The following CFAP20DC variants were observed in gnomAD, a reference collection of about 807,000 sequenced individuals.
CFAP20DC encodes CFAP20 domain containing, also known as protein CFAP20DC.
In CFAP20DC, 84 loss-of-function variants were observed where a neutral mutation model predicts 101.7. That is an observed-to-expected ratio of 0.83 (90% CI 0.69 to 0.99). CFAP20DC has a LOEUF of 0.99. Among genes scored for constraint, CFAP20DC ranks in the 50% least tolerant of loss-of-function variants. The pLI, the probability that CFAP20DC is intolerant of heterozygous loss-of-function variation, is 0.00. For missense variants in CFAP20DC, 1,007 were observed against 970.3 expected (o/e 1.04, Z -0.50); for synonymous variants, 359 against 351.2 (o/e 1.02, Z -0.25).
At chr3:58,938,493 T>C (rs2088031323) in intron 4 of CFAP20DC, among the ~76,000 whole-genome samples, 1 of 152,198 alleles carries the variant, frequency 6.6e-6, no homozygotes, top group Non-Finnish European at 1.5e-5. Context: ...TGCTATATTA[T>C]AGAATTGATG....
chr3:59,011,224 C>G (rs1045577172), intron 4 of CFAP20DC, among the ~76,000 whole-genome samples: 2 of 152,112 alleles, frequency 1.3e-5, no homozygotes, highest in Non-Finnish European at 2.9e-5. Flanking sequence ...ATGGTGAAAC[C>G]CTGTCTCTAC....
chr3:58,848,552 T>C (rs889249317), intron 13 of CFAP20DC, among the ~76,000 whole-genome samples: 1 of 152,132 alleles, frequency 6.6e-6, no homozygotes, highest in African/African-American at 2.4e-5. Flanking sequence ...GCCGAGGGAT[T>C]TATTCGATGA....
chr3:58,765,341 A>C (rs559413511), intron 15 of CFAP20DC, among the ~76,000 whole-genome samples: 61 of 152,156 alleles, frequency 4.0e-4, no homozygotes, highest in Non-Finnish European at 7.6e-4. Flanking sequence ...AGTTAGCTTA[A>C]TCATCTCTTT....
intron 3 of CFAP20DC, among the ~76,000 whole-genome samples, chr3:59,043,867 CA>C (rs1413669711): frequency 6.6e-6 from 1 of 152,106 alleles, no homozygotes; most frequent in African/African-American, 2.4e-5. Flanking sequence ...AATTATGACC[CA>C]AATTGTCATA....
At chr3:59,010,860 C>T (rs1431112540) in intron 4 of CFAP20DC, among the ~76,000 whole-genome samples, 1 of 152,024 alleles carries the variant, frequency 6.6e-6, no homozygotes, top group Non-Finnish European at 1.5e-5. Flanking sequence ...TTTTAAATAA[C>T]CTCTCAGACC....
At chr3:58,815,275 T>G (rs1194418275) in intron 14 of CFAP20DC, among the ~76,000 whole-genome samples, 1 of 150,692 alleles carries the variant, frequency 6.6e-6, no homozygotes, top group Non-Finnish European at 1.5e-5. Context: ...CCCTATTTAA[T>G]AAATGGTGCT....
intron 14 of CFAP20DC, among the ~76,000 whole-genome samples, chr3:58,809,536 G>A (rs1575706301): frequency 1.3e-5 from 2 of 151,954 alleles, no homozygotes; most frequent in African/African-American, 4.8e-5. Flanking sequence ...CAGAATCTCT[G>A]GGACGCATTC....
chr3:58,999,743 T>G (rs548068306), intron 4 of CFAP20DC, among the ~76,000 whole-genome samples: 18 of 150,674 alleles, frequency 1.2e-4, no homozygotes, highest in Non-Finnish European at 4.4e-5. Flanking sequence ...AAATTTAGTA[T>G]AGAAATACTA....
chr3:58,775,811 T>A (rs182614258), intron 15 of CFAP20DC, among the ~76,000 whole-genome samples: 2 of 151,042 alleles, frequency 1.3e-5, no homozygotes, highest in African/African-American at 2.4e-5. Context: ...AGTGGCGTGA[T>A]CTCGTCTCAC....
At chr3:58,855,217 C>G (rs952024375) in intron 12 of CFAP20DC, among the ~76,000 whole-genome samples, 12 of 152,188 alleles carry the variant, frequency 7.9e-5, no homozygotes, top group African/African-American at 2.7e-4. Flanking sequence ...ATTAATGCAG[C>G]CAAAAAACAC....
intron 15 of CFAP20DC, among the ~76,000 whole-genome samples, chr3:58,756,267 T>C (rs1204470468): frequency 2.6e-5 from 4 of 152,032 alleles, no homozygotes; most frequent in African/African-American, 9.7e-5. Flanking sequence ...CCTCAAGATA[T>C]TTACCTACTT....
At chr3:58,772,894 G>A (rs2070981548) in intron 15 of CFAP20DC, among the ~76,000 whole-genome samples, 1 of 152,120 alleles carries the variant, frequency 6.6e-6, no homozygotes, top group Non-Finnish European at 1.5e-5. Flanking sequence ...AATTTCTGAA[G>A]AATGCCCAAG....
intron 15 of CFAP20DC, among the ~76,000 whole-genome samples, chr3:58,801,651 G>A (rs367862967): frequency 4.6e-5 from 7 of 152,004 alleles, no homozygotes; most frequent in African/African-American, 1.7e-4. Flanking sequence ...CGATACCACC[G>A]TGGTCAGTCT....
At chr3:58,845,202 C>T (rs1488831147) in intron 13 of CFAP20DC, among the ~76,000 whole-genome samples, 2 of 150,226 alleles carry the variant, frequency 1.3e-5, no homozygotes. Flanking sequence ...AAAAACCCTT[C>T]AAAAAATTAA....
chr3:58,742,741 G>A (rs1380796910), intron 16 of CFAP20DC, among the ~76,000 whole-genome samples, 169 bp from the exon 17 acceptor site: 1 of 152,148 alleles, frequency 6.6e-6, no homozygotes, highest in Non-Finnish European at 1.5e-5. Flanking sequence ...CTCTAAACAT[G>A]TGGTTCCAGG....
At chr3:58,754,549 T>A (rs893837791) in intron 15 of CFAP20DC, among the ~76,000 whole-genome samples, 1 of 152,158 alleles carries the variant, frequency 6.6e-6, no homozygotes, top group African/African-American at 2.4e-5. Context: ...CCACTGAGCT[T>A]CACTAGTGGT....
At chr3:58,911,556 T>C (rs1216342332) in intron 6 of CFAP20DC, among the ~76,000 whole-genome samples, 3 of 152,124 alleles carry the variant, frequency 2.0e-5, no homozygotes, top group African/African-American at 7.2e-5. Context: ...ATACCTCCAG[T>C]TGTACACTTA....
At chr3:58,823,500 TG>T (rs2075832876) in intron 14 of CFAP20DC, among the ~76,000 whole-genome samples, 1 of 152,184 alleles carries the variant, frequency 6.6e-6, no homozygotes, top group African/African-American at 2.4e-5. Flanking sequence ...TTGGTAGATA[TG>T]ATCTTATTTG....
rs923036357 is a variant in CFAP20DC at position 58,861,720 on chromosome 3, T to C, written c.1593+1838A>G. 3.2e-5 allele frequency: 32 copies of C among 985,442 alleles called. No homozygotes were observed. In the Admixed American group the frequency reaches 1.4e-3, roughly 42 times the overall value. The allele number at this position is 985,442 out of a possible 1,614,324, so 61.0% of individuals were successfully genotyped here. Reference sequence around the variant, plus strand: ...TGTTTCCCCTCTCTCTGGCTGCCACTCTTAGTAGGCTCTGATTAAAGGGTG... The same window carrying C: ...TGTTTCCCCTCTCTCTGGCTGCCACCCTTAGTAGGCTCTGATTAAAGGGTG... On this transcript the variant is annotated intron_variant, in intron 12 of 16. Coordinates refer to ENST00000482387, the MANE Select transcript of CFAP20DC (RefSeq NM_001394063.1). The surrounding 1 kb of genome is among the most constrained non-coding windows in gnomAD (Gnocchi z 4.0).
Sources: allele counts gnomAD v4.1 joint callset (sites outside exome capture counted in the v4.1 genomes callset), GRCh38; gene constraint gnomAD v4.1.1; non-coding constraint Gnocchi (gnomAD v3.1); transcripts MANE v1.5; gene names NCBI Gene and HGNC (gene_info 2026-07-23, HGNC 2026-07-21).